The following DISC1 variants were observed in gnomAD, a reference collection of about 807,000 sequenced individuals.
The protein encoded by DISC1 is DISC1 scaffold protein.
In DISC1, 57 loss-of-function variants were observed where a neutral mutation model predicts 84.5. The observed-to-expected ratio is 0.67, with a 90% CI of 0.55 to 0.84. The LOEUF (loss-of-function observed/expected upper bound fraction) is 0.84, where lower values mean the gene tolerates loss of function less well. Among genes scored for constraint, DISC1 ranks in the 40% least tolerant of loss-of-function variants. DISC1 has a pLI of 0.00. For missense variants in DISC1, 1,000 were observed against 1,057.8 expected, an observed-to-expected ratio of 0.95 and a Z score of 0.76; for synonymous variants, 411 against 415.2, an observed-to-expected ratio of 0.99 and a Z score of 0.12.
intron 9 of DISC1, among the ~76,000 whole-genome samples, chr1:231,892,531 C>T (rs2087315770): frequency 6.6e-6 from 1 of 151,832 alleles, no homozygotes; most frequent in Non-Finnish European, 1.5e-5. Flanking sequence ...CTAAAGAACA[C>T]CTGTGAAAAG....
At chr1:231,978,548 C>T (rs769924468) in intron 10 of DISC1, among the ~76,000 whole-genome samples, 3 of 152,118 alleles carry the variant, frequency 2.0e-5, no homozygotes, top group Non-Finnish European at 4.4e-5. Context: ...TAGCATCCTA[C>T]AAGGATGAAA....
At chr1:231,891,728 C>T (rs1372145955) in intron 9 of DISC1, among the ~76,000 whole-genome samples, 1 of 152,094 alleles carries the variant, frequency 6.6e-6, no homozygotes, top group Non-Finnish European at 1.5e-5. Context: ...GGCCTTTAGC[C>T]AGGGCCTGAG....
At chr1:231,854,945 A>ACCTCAAGTGATCCACCTTCCTCAGCCTC in intron 9 of DISC1, 1 of 766,732 alleles carries the variant, frequency 1.3e-6, no homozygotes, top group Non-Finnish European at 1.8e-6. Context: ...AAAACTCCTG[A>ACCTCAAGTGATCCACCTTCCTCAGCCTC]CCTCAAGTGA....
intron 9 of DISC1, among the ~76,000 whole-genome samples, chr1:231,901,984 T>A (rs1415792133): frequency 6.6e-6 from 1 of 152,138 alleles, no homozygotes; most frequent in Non-Finnish European, 1.5e-5. Context: ...AGCCCCACGT[T>A]TCATGGGATA....
At chr1:231,771,570 G>A (rs912113027) in intron 6 of DISC1, 2 of 985,308 alleles carry the variant, frequency 2.0e-6, no homozygotes, top group East Asian at 1.1e-4. Context: ...AGTGTTATAA[G>A]CTGACTCTAT....
At chr1:231,722,412 C>A in intron 3 of DISC1, 1 of 1,464,960 alleles carries the variant, frequency 6.8e-7, no homozygotes, top group Non-Finnish European at 9.3e-7. Flanking sequence ...ATAGATCTTT[C>A]TACTTATCCA....
chr1:232,016,473 G>T (rs1185707818), intron 11 of DISC1, among the ~76,000 whole-genome samples: 2 of 152,144 alleles, frequency 1.3e-5, no homozygotes, highest in Admixed American at 1.3e-4. Flanking sequence ...GATTCAAATG[G>T]ATTATTTTCT....
chr1:231,809,787 T>C (rs1201477772), intron 8 of DISC1, among the ~76,000 whole-genome samples: 1 of 152,178 alleles, frequency 6.6e-6, no homozygotes, highest in African/African-American at 2.4e-5. Flanking sequence ...AGGATTTAAA[T>C]TTCCGTCTTC....
chr1:231,635,375 G>C (rs1263523922), intron 1 of DISC1, among the ~76,000 whole-genome samples: 2 of 150,508 alleles, frequency 1.3e-5, no homozygotes, highest in East Asian at 3.9e-4. Flanking sequence ...CGTCTTTCTT[G>C]CTCCCAATCT....
At chr1:231,768,626 T>G (rs1049453724) in intron 5 of DISC1, among the ~76,000 whole-genome samples, 5 of 152,214 alleles carry the variant, frequency 3.3e-5, no homozygotes, top group African/African-American at 9.7e-5. Context: ...ACTTGAATAT[T>G]CATTTATTCA....
chr1:231,852,444 A>T (rs2083960769), intron 9 of DISC1, among the ~76,000 whole-genome samples: 1 of 152,234 alleles, frequency 6.6e-6, no homozygotes, highest in Admixed American at 6.5e-5. Flanking sequence ...CAAGGGTACG[A>T]AGGATGTAAA....
intron 10 of DISC1, among the ~76,000 whole-genome samples, chr1:231,989,731 A>G (rs959383819): frequency 1.3e-5 from 2 of 152,204 alleles, no homozygotes; most frequent in African/African-American, 4.8e-5. Flanking sequence ...CCTGGCAGGA[A>G]TAAGAGCTAG....
At chr1:231,665,989 C>T (rs1558281263) in intron 1 of DISC1, among the ~76,000 whole-genome samples, 1 of 152,162 alleles carries the variant, frequency 6.6e-6, no homozygotes, top group Non-Finnish European at 1.5e-5. Flanking sequence ...AAGGCCATGC[C>T]ATGCTAATTG....
rs146300199 is a variant in DISC1 at position 231,704,759 on chromosome 1, CAAAAAAAAAAAAAAA to C, written c.1117+2747_1117+2761del. Among the ~76,000 whole-genome samples the C allele has an allele frequency of 1.5e-3, 36 of 24,358 alleles. No homozygotes were observed. The South Asian group carries it at 0.046, about 31-fold the overall frequency. The allele number at this position is 24,358 out of a possible 152,430, so 16.0% of individuals were successfully genotyped here. On this transcript the variant is annotated intron_variant, in intron 3 of 12. Transcript: ENST00000439617. ...TGGGCGACAGAGCGAGACTCCGTCT[CAAAAAAAAAAAAAAA>C]AAAAAAAAAAAGCAGATTCTGATTA...
At chr1:231,778,415 A>G (rs1260394121) in intron 6 of DISC1, among the ~76,000 whole-genome samples, 1 of 152,188 alleles carries the variant, frequency 6.6e-6, no homozygotes, top group Non-Finnish European at 1.5e-5. Flanking sequence ...TCATAATTCT[A>G]TTCCTAGGAG....
chr1:231,810,111 A>G (rs2080150355), intron 8 of DISC1, among the ~76,000 whole-genome samples: 1 of 152,224 alleles, frequency 6.6e-6, no homozygotes, highest in African/African-American at 2.4e-5. Context: ...TTAACATTGT[A>G]TGGAACTGGA....
chr1:231,955,255 G>A (rs77096224), intron 9 of DISC1, among the ~76,000 whole-genome samples: 170 of 152,190 alleles, frequency 1.1e-3, no homozygotes, highest in African/African-American at 3.5e-3. Context: ...TGCTTCAAAC[G>A]CCAATCCCAA....
intron 9 of DISC1, among the ~76,000 whole-genome samples, chr1:231,946,616 A>G (rs771100614): frequency 3.3e-5 from 5 of 152,238 alleles, no homozygotes; most frequent in African/African-American, 4.8e-5. Flanking sequence ...GGCCAGGGCA[A>G]TCAGGCAAGA....
chr1:231,793,786 T>C (rs9432002), intron 6 of DISC1, among the ~76,000 whole-genome samples: 15,157 of 152,302 alleles, frequency 0.1, 871 homozygotes, highest in East Asian at 0.27. Flanking sequence ...TAATACTGAC[T>C]AGAGCTTGCC....
Sources: allele counts gnomAD v4.1 joint callset (sites outside exome capture counted in the v4.1 genomes callset), GRCh38; gene constraint gnomAD v4.1.1; transcripts MANE v1.5; gene names NCBI Gene and HGNC (gene_info 2026-07-23, HGNC 2026-07-21).